The following THSD4 variants were observed in gnomAD, a reference collection of about 807,000 sequenced individuals.
The protein encoded by THSD4 is thrombospondin type 1 domain containing 4.
In THSD4, 69 loss-of-function variants were observed where a neutral mutation model predicts 119.0. That is an observed-to-expected ratio of 0.58 (90% CI 0.48 to 0.71). THSD4 has a LOEUF of 0.71. Among genes scored for constraint, THSD4 ranks in the 30% least tolerant of loss-of-function variants. THSD4 has a pLI of 0.00. For synonymous variants in THSD4, 524 were observed against 540.4 expected (o/e 0.97, Z 0.42); for missense variants, 1,393 against 1,391.1 (o/e 1.00, Z -0.02).
intron 8 of THSD4, among the ~76,000 whole-genome samples, chr15:71,712,657 T>C (rs1261394419): frequency 2.0e-5 from 3 of 152,214 alleles, no homozygotes; most frequent in Non-Finnish European, 4.4e-5. Flanking sequence ...TAAGCCTCTA[T>C]TCACAGCCCT....
chr15:71,357,663 C>T (rs796310825), intron 6 of THSD4, among the ~76,000 whole-genome samples: 1 of 152,126 alleles, frequency 6.6e-6, no homozygotes, highest in Admixed American at 6.5e-5. Flanking sequence ...ATCCAGCAAC[C>T]GGAGTCCTTT....
intron 4 of THSD4, among the ~76,000 whole-genome samples, chr15:71,240,248 G>A (rs1489023672): frequency 2.0e-5 from 3 of 152,216 alleles, no homozygotes; most frequent in Non-Finnish European, 4.4e-5. Flanking sequence ...GTTCATCAGT[G>A]CTGAGTGAGC....
chr15:71,551,364 T>C (rs1231912763), intron 7 of THSD4, among the ~76,000 whole-genome samples: 1 of 152,150 alleles, frequency 6.6e-6, no homozygotes, highest in African/African-American at 2.4e-5. Context: ...TGAATGATCA[T>C]GCAATAAGGG....
chr15:71,522,378 T>C (rs1384362456), intron 7 of THSD4, among the ~76,000 whole-genome samples: 1 of 152,166 alleles, frequency 6.6e-6, no homozygotes, highest in African/African-American at 2.4e-5. Context: ...AACTGTCCTT[T>C]GGGCTGCCTC....
At chr15:71,472,528 C>T (rs2047596588) in intron 7 of THSD4, among the ~76,000 whole-genome samples, 1 of 152,108 alleles carries the variant, frequency 6.6e-6, no homozygotes, top group Non-Finnish European at 1.5e-5. Context: ...TTAGAACTCC[C>T]CCCAGTTGAA....
chr15:71,598,881 G>A (rs1567055578), intron 7 of THSD4, among the ~76,000 whole-genome samples: 1 of 152,136 alleles, frequency 6.6e-6, no homozygotes, highest in South Asian at 2.1e-4. Context: ...ACCTCCCAAA[G>A]TGCTGGGATT....
chr15:71,685,051 A>G (rs1359558504), intron 8 of THSD4, among the ~76,000 whole-genome samples: 1 of 152,044 alleles, frequency 6.6e-6, no homozygotes, highest in Non-Finnish European at 1.5e-5. Flanking sequence ...ATCATCTGAT[A>G]TATTCTCTTA....
intron 7 of THSD4, among the ~76,000 whole-genome samples, chr15:71,649,129 C>A (rs964966970): frequency 2.0e-5 from 3 of 152,112 alleles, no homozygotes; most frequent in Non-Finnish European, 4.4e-5. Flanking sequence ...TTAGGAGTCC[C>A]CCCATCACTC....
chr15:71,233,991 G>T (rs1360734680), intron 4 of THSD4, among the ~76,000 whole-genome samples: 4 of 152,184 alleles, frequency 2.6e-5, no homozygotes, highest in Non-Finnish European at 5.9e-5. Flanking sequence ...TGTCGGCTGT[G>T]CTTCAAGCTG....
chr15:71,481,199 T>A (rs1416978048), intron 7 of THSD4, among the ~76,000 whole-genome samples: 1 of 152,164 alleles, frequency 6.6e-6, no homozygotes, highest in Non-Finnish European at 1.5e-5. Flanking sequence ...ATTTAGACTC[T>A]GTGATAAAAG....
chr15:71,414,249 C>T (rs1307154814), intron 7 of THSD4, among the ~76,000 whole-genome samples: 3 of 152,240 alleles, frequency 2.0e-5, no homozygotes, highest in African/African-American at 7.2e-5. Flanking sequence ...AGTAAGCATA[C>T]TGGCATTTAT....
At chr15:71,510,700 G>A (rs914485360) in intron 7 of THSD4, among the ~76,000 whole-genome samples, 2 of 152,164 alleles carry the variant, frequency 1.3e-5, no homozygotes, top group African/African-American at 2.4e-5. Context: ...GTTCTGTTAC[G>A]GACCACGGTC....
rs538194952 is a variant in THSD4 at position 71,566,180 on chromosome 15, G to A, written c.1153-94350G>A. Among the ~76,000 whole-genome samples the A allele has an allele frequency of 1.9e-3, 274 of 142,444 alleles. 17 individuals are homozygous for A. In the South Asian group the frequency reaches 0.054, roughly 28 times the overall value. 93.4% of individuals were successfully genotyped at this position (142,444 alleles called of 152,430 possible). On this transcript the variant is annotated intron_variant, in intron 7 of 17. Coordinates refer to ENST00000261862, the MANE Select transcript of THSD4 (RefSeq NM_024817.3). ...TCTTTTTTTTTTTTTGCTGAAATTC[G>A]GTAGTGAATTCAAGTTCTCTTAAGG...
At chr15:71,395,176 C>G (rs557679438) in intron 6 of THSD4, among the ~76,000 whole-genome samples, 1 of 152,082 alleles carries the variant, frequency 6.6e-6, no homozygotes, top group African/African-American at 2.4e-5. Context: ...GGTGAAGGAC[C>G]GGATGGCTGT....
chr15:71,699,825 C>A (rs989251008), intron 8 of THSD4, among the ~76,000 whole-genome samples: 5 of 152,040 alleles, frequency 3.3e-5, no homozygotes, highest in East Asian at 1.9e-4. Context: ...GTAAAAAGGT[C>A]GGTTCATTTT....
intron 14 of THSD4, among the ~76,000 whole-genome samples, chr15:71,755,309 A>C (rs974286344): frequency 2.5e-4 from 38 of 152,376 alleles, no homozygotes; most frequent in Admixed American, 1.6e-3. Flanking sequence ...TTGATCGCTC[A>C]TGCTGGCATG....
intron 8 of THSD4, among the ~76,000 whole-genome samples, chr15:71,726,213 C>T (rs140602578): frequency 4.6e-5 from 7 of 152,324 alleles, no homozygotes; most frequent in Non-Finnish European, 8.8e-5. Flanking sequence ...GAAAGGTCTG[C>T]AGCTTTGCCC....
At position 71,746,895 on chromosome 15, in the gene THSD4, C is replaced by T. The variant is rs376060306; in HGVS notation, c.2094C>T (p.His698=). 18 of 1,614,088 alleles carry T rather than the reference C, an allele frequency of 1.1e-5. No homozygotes were observed. The South Asian group carries it at 1.9e-4, about 17-fold the overall frequency. Residue 698 remains histidine, a synonymous_variant, in exon 13 of 18, where the codon CAC becomes CAT. Transcript: ENST00000261862. ...CSKTCGLGMQ[H]RQVLCRQVYA... ...AGACCTGTGGCCTGGGCATGCAGCACCGCCAGGTTCTGTGCCGCCAGGTGT... is the reference window on the plus strand; with the variant it reads ...AGACCTGTGGCCTGGGCATGCAGCATCGCCAGGTTCTGTGCCGCCAGGTGT...
chr15:71,676,166 G>C (rs2051644230), intron 8 of THSD4, among the ~76,000 whole-genome samples: 1 of 152,022 alleles, frequency 6.6e-6, no homozygotes, highest in Non-Finnish European at 1.5e-5. Flanking sequence ...TCAAGTGTGT[G>C]TTTTTTCTTT....
Sources: allele counts gnomAD v4.1 joint callset (sites outside exome capture counted in the v4.1 genomes callset), GRCh38; gene constraint gnomAD v4.1.1; transcripts MANE v1.5; gene names NCBI Gene and HGNC (gene_info 2026-07-23, HGNC 2026-07-21).